The following CAPS2 variants were observed in gnomAD, a reference collection of about 807,000 sequenced individuals.
CAPS2 encodes calcyphosine 2.
A neutral mutation model predicts 86.5 loss-of-function variants in CAPS2; 98 were observed. That is an observed-to-expected ratio of 1.13 (90% confidence interval 0.96 to 1.34). The LOEUF is 1.34. Among genes scored for constraint, CAPS2 ranks in the 40% most tolerant of loss-of-function variants. The probability of loss-of-function intolerance (pLI) is 0.00; values close to 1 mark genes in which losing one functional copy is unlikely to be tolerated. For synonymous variants in CAPS2, 210 were observed against 225.1 expected, an observed-to-expected ratio of 0.93 and a Z score of 0.60; for missense variants, 729 against 686.8, an observed-to-expected ratio of 1.06 and a Z score of -0.69.
rs1444739257 is a variant in CAPS2, at chr12:75,370,330, C to T, written c.-395+20508G>A. ...GTTTGTTTTTAACTCAAAAAATGTACTGTAGTATGGAAAATGGATAGCAGT... is the reference window on the plus strand; with the variant it reads ...GTTTGTTTTTAACTCAAAAAATGTATTGTAGTATGGAAAATGGATAGCAGT... On this transcript the variant is annotated intron_variant, in intron 1 of 5. Transcript: ENST00000551829. 9.2e-6 allele frequency: 5 copies of T among 541,132 alleles called. No homozygotes were observed. In the Admixed American group the frequency reaches 9.3e-5, roughly 10 times the overall value. The allele number at this position is 541,132 out of a possible 1,614,324, so 33.5% of individuals were successfully genotyped here.
At chr12:75,358,371 T>C (rs2043293270) in intron 1 of CAPS2, among the ~76,000 whole-genome samples, 1 of 151,822 alleles carries the variant, frequency 6.6e-6, no homozygotes, top group Non-Finnish European at 1.5e-5. Flanking sequence ...AAAAGCATAA[T>C]ACACTTTATC....
At chr12:75,289,385 C>G (rs1461468998) in intron 14 of CAPS2, among the ~76,000 whole-genome samples, 1 of 152,102 alleles carries the variant, frequency 6.6e-6, no homozygotes, top group Non-Finnish European at 1.5e-5. Flanking sequence ...CTTGACAGTA[C>G]AGAGTATTAT....
chr12:75,278,578 G>A, exon 17 of CAPS2: 1 of 1,024,832 alleles, frequency 9.8e-7, no homozygotes, highest in Non-Finnish European at 1.2e-6. Flanking sequence ...TCCTACTGAA[G>A]TTAATAAAAA....
At chr12:75,321,127 G>A (rs550505249) in intron 5 of CAPS2, among the ~76,000 whole-genome samples, 12 of 152,118 alleles carry the variant, frequency 7.9e-5, no homozygotes, top group South Asian at 2.1e-4. Flanking sequence ...CCCAAGGTAC[G>A]TGAAAAACTT....
chr12:75,339,143 GTATTT>G (rs1274996489), intron 1 of CAPS2, among the ~76,000 whole-genome samples: 1 of 152,152 alleles, frequency 6.6e-6, no homozygotes, highest in African/African-American at 2.4e-5. Context: ...GGGTCAAATG[GTATTT>G]CTGACTCTAG....
intron 6 of CAPS2, among the ~76,000 whole-genome samples, chr12:75,315,651 A>G (rs1301559202): frequency 6.6e-6 from 1 of 152,196 alleles, no homozygotes; most frequent in Admixed American, 6.5e-5. Flanking sequence ...TGCTATTGAA[A>G]CCAGAGTTTT....
intron 1 of CAPS2, among the ~76,000 whole-genome samples, chr12:75,371,916 G>C (rs1378782593): frequency 3.9e-5 from 6 of 152,142 alleles, no homozygotes. Context: ...TCACAGGCAT[G>C]GCAAAACTAA....
upstream of CAPS2, among the ~76,000 whole-genome samples, chr12:75,327,369 T>A (rs1275895646): frequency 1.3e-5 from 2 of 152,204 alleles, no homozygotes; most frequent in Admixed American, 6.5e-5. Flanking sequence ...ATGTGGTGAT[T>A]GGTAAAAATG....
intron 1 of CAPS2, among the ~76,000 whole-genome samples, chr12:75,336,708 CTTAG>C (rs1380169841): frequency 6.6e-6 from 1 of 151,614 alleles, no homozygotes; most frequent in Non-Finnish European, 1.5e-5. Flanking sequence ...AGATTTTAAT[CTTAG>C]TGAGTAAGAG....
intron 7 of CAPS2, 42 bp from the exon 8 acceptor site, chr12:75,304,918 T>C (rs1309239604): frequency 1.3e-6 from 2 of 1,587,716 alleles, no homozygotes; most frequent in African/African-American, 1.3e-5. Context: ...AATATGATCA[T>C]GCATTACTTT....
At chr12:75,287,558 A>G (rs1419906745) in intron 14 of CAPS2, among the ~76,000 whole-genome samples, 2 of 152,162 alleles carry the variant, frequency 1.3e-5, no homozygotes, top group South Asian at 2.1e-4. Flanking sequence ...TGTCTATCCA[A>G]TGTAGTCTCC....
chr12:75,316,256 T>C (rs2039746079), intron 6 of CAPS2, 56 bp downstream of exon 6: 3 of 1,539,064 alleles, frequency 1.9e-6, no homozygotes, highest in South Asian at 1.2e-5. Context: ...TTTAAAATCT[T>C]AGAAAGCAAA....
At chr12:75,278,384 T>C in exon 17 of CAPS2, 3 of 983,612 alleles carry the variant, frequency 3.0e-6, no homozygotes, top group Middle Eastern at 5.2e-4. Flanking sequence ...GCATATCCTT[T>C]AATATTTTCA....
intron 11 of CAPS2, among the ~76,000 whole-genome samples, chr12:75,295,603 T>G (rs2036744292): frequency 6.6e-6 from 1 of 152,224 alleles, no homozygotes; most frequent in Non-Finnish European, 1.5e-5. Context: ...TAAATACATA[T>G]GTACTCAGTG....
chr12:75,335,943 G>C (rs2041706667), intron 1 of CAPS2, among the ~76,000 whole-genome samples: 1 of 151,740 alleles, frequency 6.6e-6, no homozygotes, highest in South Asian at 2.1e-4. Flanking sequence ...AGTAAATGTG[G>C]GGTTAAATAT....
chr12:75,292,442 C>T (rs2036140191), intron 12 of CAPS2, among the ~76,000 whole-genome samples: 2 of 151,622 alleles, frequency 1.3e-5, no homozygotes, highest in South Asian at 4.2e-4. Flanking sequence ...TTTTACCTTG[C>T]AAAGCATAAA....
intron 1 of CAPS2, among the ~76,000 whole-genome samples, chr12:75,388,115 G>A (rs1317458466): frequency 1.3e-5 from 2 of 152,128 alleles, no homozygotes; most frequent in Admixed American, 1.3e-4. Context: ...ATGGGGGCAG[G>A]TTTTTCCCGT....
chr12:75,278,328 A>G (rs2033266012), exon 17 of CAPS2: 14 of 984,050 alleles, frequency 1.4e-5, no homozygotes, highest in Non-Finnish European at 1.6e-5. Flanking sequence ...GAAATATTCT[A>G]TATACAGAAA....
intron 1 of CAPS2, among the ~76,000 whole-genome samples, chr12:75,377,130 A>G (rs1054649222): frequency 2.6e-5 from 4 of 152,214 alleles, no homozygotes; most frequent in African/African-American, 7.2e-5. Flanking sequence ...CATGCCAAGA[A>G]CTATCAGTGC....
Sources: gnomAD v4.1 joint callset for allele counts (sites outside exome capture counted in the v4.1 genomes callset) on GRCh38, gnomAD v4.1.1 for gene constraint, MANE v1.5 for transcripts, NCBI Gene and HGNC (gene_info 2026-07-23, HGNC 2026-07-21) for gene names.